RRP15: variants seen among roughly 807,000 people sequenced by gnomAD.
RRP15 encodes the protein ribosomal RNA processing 15 homolog.
Under a neutral mutation model 27.1 loss-of-function variants are expected in RRP15, and 18 were observed. The ratio of observed to expected loss-of-function variants is 0.66; its 90% CI spans 0.46 to 0.98. RRP15 has a LOEUF of 0.98. Among genes scored for constraint, RRP15 ranks in the 50% least tolerant of loss-of-function variants. RRP15 has a pLI of 0.00. For missense variants in RRP15, 359 were observed against 337.8 expected, an observed-to-expected ratio of 1.06 and a Z score of -0.49; for synonymous variants, 107 against 109.4, an observed-to-expected ratio of 0.98 and a Z score of 0.14.
chr1:218,294,266 T>G (rs2102493199), intron 1 of RRP15, among the ~76,000 whole-genome samples: 1 of 152,294 alleles, frequency 6.6e-6, no homozygotes, highest in South Asian at 2.1e-4. Context: ...ACCACCTGTT[T>G]GCTCTCCAAT....
At chr1:218,292,612 C>T (rs1299812615) in intron 1 of RRP15, among the ~76,000 whole-genome samples, 2 of 152,180 alleles carry the variant, frequency 1.3e-5, no homozygotes, top group African/African-American at 2.4e-5. Flanking sequence ...TTTGGGGTTA[C>T]GAATACATTT....
At chr1:218,328,178 C>T (rs1656303897) in intron 4 of RRP15, among the ~76,000 whole-genome samples, 1 of 152,228 alleles carries the variant, frequency 6.6e-6, no homozygotes, top group Non-Finnish European at 1.5e-5. Flanking sequence ...TAAAGCTCTT[C>T]CTGTTATTCT....
chr1:218,285,440 A>C lies in RRP15; in HGVS notation c.124A>C (p.Thr42Pro). The change falls in exon 1 of 5, where the codon ACT (threonine) becomes CCT (proline). Residue 42 changes from threonine (T) to proline (P), a missense_variant. Physicochemically the swap from Thr to Pro is conservative, Grantham distance 38. Coordinates refer to ENST00000366932, the MANE Select transcript of RRP15 (RefSeq NM_016052.4). Reference sequence around the variant, plus strand: ...GGTGCTGGAAGACGAGGCCACAGACACTTCTGATAGTGAAGGTAATGTGGT... The same window carrying C: ...GGTGCTGGAAGACGAGGCCACAGACCCTTCTGATAGTGAAGGTAATGTGGT... ...ASVLEDEATD[T>P]SDSEGSCGSE... 1 of 1,614,166 alleles carries C rather than the reference A, an allele frequency of 6.2e-7. No homozygotes were observed. The highest frequency in any genetic ancestry group is 8.5e-7 in the Non-Finnish European group (1 of 1,180,016).
At chr1:218,323,928 G>C (rs556113329) in intron 4 of RRP15, among the ~76,000 whole-genome samples, 163 of 152,316 alleles carry the variant, frequency 1.1e-3, no homozygotes, top group Non-Finnish European at 1.6e-3. Context: ...GCCTGCAGGG[G>C]CAGGGGGCGC....
intron 4 of RRP15, among the ~76,000 whole-genome samples, chr1:218,309,519 C>T (rs555931877): frequency 1.8e-4 from 27 of 151,850 alleles, no homozygotes; most frequent in African/African-American, 6.5e-4. Context: ...ACTGTCTCTA[C>T]TAAAAATACA....
Position 218,307,644 on chromosome 1 carries a change from T to C in RRP15, c.705+12T>C. 6.3e-7 allele frequency: 1 copy of C among 1,584,200 alleles called. No homozygotes were observed. Among genetic ancestry groups the C allele is most frequent in the Non-Finnish European group, 8.7e-7 (1 of 1,154,638 alleles). The stretch of plus-strand genomic sequence containing the variant: ...CAAAAGCCAAACAGGTAAAAACTTT[T>C]CTATAGGATTCAGTGTATCAGACTT... On this transcript the variant is annotated intron_variant, in intron 4 of 4. Transcript: ENST00000366932.
In RRP15 at chr1:218,322,986, G is replaced by A. The variant is rs139369045; in HGVS notation, c.706-7962G>A. 8.6e-3 allele frequency among the ~76,000 whole-genome samples: 1,317 copies of A among 152,290 alleles called. 21 individuals are homozygous for A. The highest frequency in any genetic ancestry group is 0.029 in the African/African-American group (1,213 of 41,560). On this transcript the variant is annotated intron_variant, in intron 4 of 4. Transcript: ENST00000366932. ...AGCTCCCGGCAATGGCATGGGCGCC[G>A]GCTACTTGCGAGGCTGCAGCTGGAC...
chr1:218,315,142 A>G (rs371947476), intron 4 of RRP15, among the ~76,000 whole-genome samples: 12 of 152,170 alleles, frequency 7.9e-5, no homozygotes, highest in African/African-American at 2.9e-4. Flanking sequence ...AATGTCATAC[A>G]TAGAGGTAAG....
At chr1:218,297,778 TTAAGA>T (rs775432425) in intron 1 of RRP15, among the ~76,000 whole-genome samples, 11 of 152,338 alleles carry the variant, frequency 7.2e-5, no homozygotes, top group East Asian at 1.9e-4. Flanking sequence ...AAGTAAGGAC[TTAAGA>T]TAAGTGCTAA....
intron 1 of RRP15, among the ~76,000 whole-genome samples, chr1:218,293,072 G>A (rs1229376456): frequency 6.8e-6 from 1 of 147,468 alleles, no homozygotes; most frequent in Non-Finnish European, 1.5e-5. Flanking sequence ...TGCCCATGCT[G>A]GTGTGCAGTG....
At chr1:218,287,047 C>G (rs1382063211) in intron 1 of RRP15, among the ~76,000 whole-genome samples, 1 of 151,906 alleles carries the variant, frequency 6.6e-6, no homozygotes, top group African/African-American at 2.4e-5. Flanking sequence ...TTGACCTCCT[C>G]CCCCACCGCC....
At chr1:218,293,056 G>T (rs1277831148) in intron 1 of RRP15, among the ~76,000 whole-genome samples, 1 of 150,136 alleles carries the variant, frequency 6.7e-6, no homozygotes, top group Admixed American at 6.6e-5. Flanking sequence ...CAGGGTCTTG[G>T]TATGTTGCCC....
Position 218,326,609 on chromosome 1 carries a change from C to T in RRP15, c.706-4339C>T, listed in dbSNP as rs74883162. On this transcript the variant is annotated intron_variant, in intron 4 of 4. Coordinates refer to ENST00000366932, the MANE Select transcript of RRP15 (RefSeq NM_016052.4). ...AGGGTTCTCTGGGTGAATTTATTAGCAACTTGTCAGGTTTTCAATAAAGTA... is the reference window on the plus strand; with the variant it reads ...AGGGTTCTCTGGGTGAATTTATTAGTAACTTGTCAGGTTTTCAATAAAGTA... Among the ~76,000 whole-genome samples the T allele has an allele frequency of 5.7e-3, 869 of 152,264 alleles. 7 individuals are homozygous for T. Among genetic ancestry groups the T allele is most frequent in the African/African-American group, 0.019 (792 of 41,534 alleles).
intron 4 of RRP15, among the ~76,000 whole-genome samples, chr1:218,314,951 C>T (rs1656062839): frequency 6.9e-6 from 1 of 144,430 alleles, no homozygotes; most frequent in Admixed American, 7.0e-5. Flanking sequence ...GAGATTGCGC[C>T]ACTGCACTCC....
intron 1 of RRP15, among the ~76,000 whole-genome samples, chr1:218,291,452 A>G (rs1329680673): frequency 6.6e-6 from 1 of 151,880 alleles, no homozygotes; most frequent in Non-Finnish European, 1.5e-5. Context: ...CTCAAAAATG[A>G]ATAAATAAAT....
At chr1:218,320,185 T>C (rs911622886) in intron 4 of RRP15, among the ~76,000 whole-genome samples, 2 of 152,050 alleles carry the variant, frequency 1.3e-5, no homozygotes, top group East Asian at 1.9e-4. Flanking sequence ...GCGTTAGATA[T>C]ATCTCCTAAA....
intron 3 of RRP15, 109 bp from the exon 4 acceptor site, chr1:218,307,322 A>T (rs1179765652): frequency 4.5e-6 from 4 of 885,322 alleles, no homozygotes; most frequent in Non-Finnish European, 5.1e-6. Flanking sequence ...AGTACTTGTT[A>T]AATGCTTGCC....
chr1:218,299,920 T>C (rs1214050392), intron 1 of RRP15, among the ~76,000 whole-genome samples: 1 of 152,164 alleles, frequency 6.6e-6, no homozygotes, highest in Non-Finnish European at 1.5e-5. Flanking sequence ...TTTGTGGCCC[T>C]GGAATAAAAT....
In RRP15 at chr1:218,332,634, T is replaced by A. The variant is rs1656388737; in HGVS notation, c.*1543T>A. ...TTATATGACTAAAGCTGAATCAGTC[T>A]GTGGCCTGGTATTTGTTATCATAAA... is the stretch of plus-strand genomic sequence containing the variant. On this transcript the variant is annotated 3_prime_UTR_variant, in exon 5 of 5. Coordinates refer to ENST00000366932, the MANE Select transcript of RRP15 (RefSeq NM_016052.4). 6.6e-6 allele frequency: 1 copy of A among 152,154 alleles called. No homozygotes were observed. The highest frequency in any genetic ancestry group is 1.5e-5 in the Non-Finnish European group (1 of 68,020). The allele number at this position is 152,154 out of a possible 1,614,324, so 9.4% of individuals were successfully genotyped here.
Sources: allele counts gnomAD v4.1 joint callset (sites outside exome capture counted in the v4.1 genomes callset), GRCh38; gene constraint gnomAD v4.1.1; transcripts MANE v1.5; gene names NCBI Gene and HGNC (gene_info 2026-07-23, HGNC 2026-07-21).